The following GAS2 variants were observed in gnomAD, a reference collection of about 807,000 sequenced individuals.
The protein encoded by GAS2 is growth arrest-specific protein 2.
Under a neutral mutation model 37.5 loss-of-function variants are expected in GAS2, and 20 were observed. The ratio of observed to expected loss-of-function variants is 0.53; its 90% CI spans 0.37 to 0.77. The LOEUF (loss-of-function observed/expected upper bound fraction) is 0.77. Among genes scored for constraint, GAS2 ranks in the 30% least tolerant of loss-of-function variants. GAS2 has a pLI of 0.00. For synonymous variants in GAS2, 144 were observed against 132.2 expected (o/e 1.09, Z -0.61); for missense variants, 336 against 373.4 (o/e 0.90, Z 0.82).
intron 7 of GAS2, among the ~76,000 whole-genome samples, chr11:22,778,712 G>A (rs1288593690): frequency 1.3e-5 from 2 of 152,176 alleles, no homozygotes; most frequent in Admixed American, 6.5e-5. Context: ...AGAAATCATA[G>A]CAGATTTAAA....
intron 7 of GAS2, among the ~76,000 whole-genome samples, chr11:22,806,648 A>G (rs1204721395): frequency 6.6e-6 from 1 of 152,188 alleles, no homozygotes; most frequent in East Asian, 1.9e-4. Context: ...CTTAATCCCA[A>G]GCTTGAAACC....
chr11:22,632,662 C>CT (rs1329689774), intron 1 of GAS2, among the ~76,000 whole-genome samples: 5 of 151,936 alleles, frequency 3.3e-5, no homozygotes, highest in Non-Finnish European at 7.4e-5. Context: ...AAACTTTTTG[C>CT]TTTTTCTTCC....
intron 1 of GAS2, among the ~76,000 whole-genome samples, chr11:22,645,852 T>C (rs1224699895): frequency 6.7e-6 from 1 of 150,048 alleles, no homozygotes; most frequent in African/African-American, 2.4e-5. Context: ...TTTCTTTTTT[T>C]TTTTTTTTGA....
At chr11:22,751,254 C>A (rs1853710577) in intron 6 of GAS2, among the ~76,000 whole-genome samples, 1 of 151,964 alleles carries the variant, frequency 6.6e-6, no homozygotes, top group African/African-American at 2.4e-5. Context: ...CACTATACTT[C>A]TGCCTACTCA....
intron 7 of GAS2, among the ~76,000 whole-genome samples, chr11:22,808,931 A>T: frequency 6.6e-6 from 1 of 152,180 alleles, no homozygotes; most frequent in East Asian, 1.9e-4. Context: ...TAGTGATTTT[A>T]TTTCTTTAGT....
chr11:22,704,070 C>G (rs1284809464), intron 3 of GAS2, among the ~76,000 whole-genome samples: 1 of 152,062 alleles, frequency 6.6e-6, no homozygotes, highest in East Asian at 1.9e-4. Flanking sequence ...AAGAAAAGAA[C>G]CCTACAATGA....
chr11:22,766,354 C>T (rs999880602), intron 7 of GAS2, among the ~76,000 whole-genome samples: 1 of 151,736 alleles, frequency 6.6e-6, no homozygotes, highest in African/African-American at 2.4e-5. Context: ...AGAGATTACA[C>T]AGTAAGTGTC....
At chr11:22,802,608 A>G (rs1856717124) in intron 7 of GAS2, among the ~76,000 whole-genome samples, 1 of 152,114 alleles carries the variant, frequency 6.6e-6, no homozygotes. Context: ...ATTGTTAAAA[A>G]TGATGACAGC....
At chr11:22,723,012 A>G (rs1051909215) in intron 3 of GAS2, among the ~76,000 whole-genome samples, 9 of 151,894 alleles carry the variant, frequency 5.9e-5, no homozygotes, top group African/African-American at 2.2e-4. Context: ...TGATAAGCAG[A>G]GATCCTTATT....
intron 1 of GAS2, among the ~76,000 whole-genome samples, chr11:22,659,823 G>A (rs575912697): frequency 1.7e-4 from 24 of 144,810 alleles, no homozygotes; most frequent in African/African-American, 6.1e-4. Context: ...AAAAAAGCAA[G>A]GATAGAAGGA....
intron 4 of GAS2, among the ~76,000 whole-genome samples, chr11:22,733,315 C>A (rs1187046819): frequency 2.6e-5 from 4 of 151,546 alleles, no homozygotes; most frequent in Non-Finnish European, 5.9e-5. Flanking sequence ...AAGTAGGCAG[C>A]CATTAATTTA....
intron 3 of GAS2, among the ~76,000 whole-genome samples, chr11:22,699,019 A>G (rs1850689797): frequency 1.3e-5 from 2 of 152,178 alleles, no homozygotes; most frequent in Non-Finnish European, 2.9e-5. Flanking sequence ...AAGCACCCAA[A>G]TAAAATAAGC....
intron 7 of GAS2, among the ~76,000 whole-genome samples, chr11:22,757,481 G>T (rs1165203807): frequency 2.4e-4 from 37 of 152,068 alleles, no homozygotes. Context: ...AGAACATATT[G>T]TGCACACTCA....
At chr11:22,682,402 A>G (rs547546814) in intron 2 of GAS2, among the ~76,000 whole-genome samples, 2 of 152,318 alleles carry the variant, frequency 1.3e-5, no homozygotes, top group East Asian at 3.9e-4. Flanking sequence ...TAATGAAATA[A>G]GAATACATAA....
intron 7 of GAS2, among the ~76,000 whole-genome samples, chr11:22,774,928 T>C (rs1855174520): frequency 6.6e-6 from 1 of 151,688 alleles, no homozygotes; most frequent in Non-Finnish European, 1.5e-5. Context: ...GGAGACAGCA[T>C]ACAAAAAGGC....
chr11:22,681,506 C>A (rs1464627931), intron 2 of GAS2, among the ~76,000 whole-genome samples: 1 of 152,146 alleles, frequency 6.6e-6, no homozygotes, highest in African/African-American at 2.4e-5. Flanking sequence ...AATGTTCAAA[C>A]CAATGTCTTT....
rs139356492 is a variant in GAS2 at position 22,651,058 on chromosome 11, G to A, written c.-20-23792G>A. Among the ~76,000 whole-genome samples the A allele has an allele frequency of 7.2e-3, 1,098 of 152,218 alleles. 11 individuals are homozygous for A. The highest frequency in any genetic ancestry group is 0.025 in the African/African-American group (1,029 of 41,514). Reference sequence around the variant, plus strand: ...GCATGATTTTGCAGCAGCTGGTATCGGTTGTTCCTTTCCATGTTTAGCACT... The same window carrying A: ...GCATGATTTTGCAGCAGCTGGTATCAGTTGTTCCTTTCCATGTTTAGCACT... On this transcript the variant is annotated intron_variant, in intron 1 of 5. Transcript: ENST00000528582.
At chr11:22,759,998 A>G (rs1854284590) in intron 7 of GAS2, among the ~76,000 whole-genome samples, 1 of 152,124 alleles carries the variant, frequency 6.6e-6, no homozygotes, top group Non-Finnish European at 1.5e-5. Context: ...TGTTCTACCT[A>G]AGTACTCCAA....
At chr11:22,711,977 C>A (rs1490117422) in intron 3 of GAS2, among the ~76,000 whole-genome samples, 1 of 152,154 alleles carries the variant, frequency 6.6e-6, no homozygotes, top group Non-Finnish European at 1.5e-5. Flanking sequence ...CCCTGTCCAT[C>A]ACCTGAGAAA....
Sources: allele counts gnomAD v4.1 joint callset (sites outside exome capture counted in the v4.1 genomes callset), GRCh38; gene constraint gnomAD v4.1.1; transcripts MANE v1.5; gene names NCBI Gene and HGNC (gene_info 2026-07-23, HGNC 2026-07-21).